SLCO2A1: variants seen among roughly 807,000 people sequenced by gnomAD.
The protein encoded by SLCO2A1 is matrin F/G 1.
A neutral mutation model predicts 71.7 loss-of-function variants in SLCO2A1; 60 were observed. The ratio of observed to expected loss-of-function variants is 0.84; its 90% confidence interval spans 0.68 to 1.04. The LOEUF (loss-of-function observed/expected upper bound fraction) is 1.04, where lower values mean the gene tolerates loss of function less well. Among genes scored for constraint, SLCO2A1 ranks in the 50% least tolerant of loss-of-function variants. The pLI is 0.00. For missense variants in SLCO2A1, 745 were observed against 813.4 expected, an observed-to-expected ratio of 0.92 and a Z score of 1.02; for synonymous variants, 308 against 326.7, an observed-to-expected ratio of 0.94 and a Z score of 0.62.
chr3:133,949,776 G>A (rs1474927868), intron 6 of SLCO2A1, among the ~76,000 whole-genome samples: 1 of 152,176 alleles, frequency 6.6e-6, no homozygotes, highest in African/African-American at 2.4e-5. Context: ...AGGAAGCTTA[G>A]GAACAAAGAA....
intron 1 of SLCO2A1, among the ~76,000 whole-genome samples, chr3:134,023,724 T>C (rs953894968): frequency 3.9e-5 from 6 of 152,210 alleles, no homozygotes; most frequent in Non-Finnish European, 8.8e-5. Flanking sequence ...AAGATGCAAA[T>C]GCTTGGTTAA....
intron 3 of SLCO2A1, among the ~76,000 whole-genome samples, chr3:133,955,685 G>T (rs937876585): frequency 6.6e-6 from 1 of 152,174 alleles, no homozygotes; most frequent in Non-Finnish European, 1.5e-5. Context: ...CTGTTGCACC[G>T]GGTTGGTGTC....
chr3:134,010,981 A>G (rs1935327556), intron 1 of SLCO2A1, among the ~76,000 whole-genome samples: 1 of 152,188 alleles, frequency 6.6e-6, no homozygotes, highest in Non-Finnish European at 1.5e-5. Flanking sequence ...AGGCTTGACT[A>G]ATGCCCAACC....
intron 1 of SLCO2A1, among the ~76,000 whole-genome samples, chr3:133,996,456 T>C (rs1934966914): frequency 6.6e-6 from 1 of 152,194 alleles, no homozygotes; most frequent in Non-Finnish European, 1.5e-5. Flanking sequence ...CCCAGTGCTC[T>C]GCTCTGACAG....
chr3:134,022,878 A>C lies in SLCO2A1; in HGVS notation c.96+6829T>G, dbSNP rs142645431. ...CTAAGGACTATAAAGTCCACTGTCCAGGTCCCCACAGTTAAAACAAAAGGT... is the reference window on the plus strand; with the variant it reads ...CTAAGGACTATAAAGTCCACTGTCCCGGTCCCCACAGTTAAAACAAAAGGT... On this transcript the variant is annotated intron_variant, in intron 1 of 13. Coordinates refer to ENST00000310926, the MANE Select transcript of SLCO2A1 (RefSeq NM_005630.3). Among the ~76,000 whole-genome samples the C allele has an allele frequency of 2.7e-3, 409 of 152,354 alleles. 7 individuals carry two copies. Among genetic ancestry groups the C allele is most frequent in the African/African-American group, 9.4e-3 (392 of 41,580 alleles).
intron 1 of SLCO2A1, among the ~76,000 whole-genome samples, chr3:134,010,112 T>C (rs1180676110): frequency 1.3e-5 from 2 of 152,230 alleles, no homozygotes; most frequent in African/African-American, 4.8e-5. Flanking sequence ...TAAATATCCA[T>C]ACACCACCCT....
In SLCO2A1 at chr3:133,951,363, G is replaced by A. The variant is rs747023934; in HGVS notation, c.725-19C>T. 4.3e-6 allele frequency: 7 copies of A among 1,613,220 alleles called. 1 individual carries two copies. In the Admixed American group the frequency reaches 8.3e-5, roughly 19 times the overall value. Reference sequence around the variant, plus strand: ...ACTGCAGCTGAAGAGAAAACGAAGAGTGCAAATGTTTGTTGAATGCATGAT... The same window carrying A: ...ACTGCAGCTGAAGAGAAAACGAAGAATGCAAATGTTTGTTGAATGCATGAT... On this transcript the variant is annotated intron_variant, in intron 5 of 13. Transcript: ENST00000310926.
intron 3 of SLCO2A1, among the ~76,000 whole-genome samples, chr3:133,969,563 T>C (rs1235025686): frequency 6.6e-6 from 1 of 150,746 alleles, no homozygotes; most frequent in Non-Finnish European, 1.5e-5. Context: ...ACTTTTTTTT[T>C]TTTGTAGAGA....
At chr3:133,942,151 G>A (rs771882697) in intron 11 of SLCO2A1, among the ~76,000 whole-genome samples, 1 of 152,198 alleles carries the variant, frequency 6.6e-6, no homozygotes, top group Non-Finnish European at 1.5e-5. Context: ...TGGCCACCAC[G>A]CCCAGCTAAT....
chr3:133,938,807 T>G (rs1407711276), intron 11 of SLCO2A1, among the ~76,000 whole-genome samples: 2 of 152,032 alleles, frequency 1.3e-5, no homozygotes, highest in Non-Finnish European at 2.9e-5. Context: ...GAGATTCTGA[T>G]GCATCACTGA....
Position 133,953,621 on chromosome 3 carries a change from T to C in SLCO2A1, c.724+42A>G, listed in dbSNP as rs774719813. On this transcript the variant is annotated intron_variant, in intron 5 of 13. Transcript: ENST00000310926. The stretch of plus-strand genomic sequence containing the variant: ...GATGAGGGGGCTGGGGGCTGCTTTA[T>C]TGAGCTGGGGATGGGAATGGGTGTC... 4 of 1,524,646 alleles carry C rather than the reference T, an allele frequency of 2.6e-6. No homozygotes were observed. The South Asian group carries it at 4.5e-5, about 17-fold the overall frequency. The allele number at this position is 1,524,646 out of a possible 1,614,324, so 94.4% of individuals were successfully genotyped here. A position where few individuals can be genotyped will look rare whatever the true frequency, so the allele number is the denominator to read the frequency against.
At chr3:133,968,878 C>T (rs1191177227) in intron 3 of SLCO2A1, among the ~76,000 whole-genome samples, 1 of 152,260 alleles carries the variant, frequency 6.6e-6, no homozygotes, top group East Asian at 1.9e-4. Flanking sequence ...CCGGACCCCA[C>T]TGACATTTAG....
At chr3:133,980,720 C>G (rs1934569598) in intron 1 of SLCO2A1, among the ~76,000 whole-genome samples, 1 of 152,222 alleles carries the variant, frequency 6.6e-6, no homozygotes, top group Middle Eastern at 3.2e-3. Context: ...TATAGGTGCC[C>G]TTGTTCCAGG....
chr3:133,983,612 G>A (rs935905110), intron 1 of SLCO2A1, among the ~76,000 whole-genome samples: 1 of 152,230 alleles, frequency 6.6e-6, no homozygotes, highest in Non-Finnish European at 1.5e-5. Context: ...TTTGCTCACA[G>A]TCTTCCCCTT....
intron 1 of SLCO2A1, among the ~76,000 whole-genome samples, chr3:133,999,484 A>G (rs1935055227): frequency 6.6e-6 from 1 of 151,112 alleles, no homozygotes; most frequent in Admixed American, 6.6e-5. Context: ...AGGGCCGAGC[A>G]GGGCTGCCTC....
intron 1 of SLCO2A1, among the ~76,000 whole-genome samples, chr3:134,015,995 A>G (rs1389522382): frequency 1.3e-5 from 2 of 152,174 alleles, no homozygotes; most frequent in Non-Finnish European, 2.9e-5. Flanking sequence ...AAACAAAACA[A>G]ACAAAAAAAA....
intron 9 of SLCO2A1, among the ~76,000 whole-genome samples, chr3:133,947,007 C>T (rs1055186800): frequency 6.6e-6 from 1 of 151,944 alleles, no homozygotes; most frequent in Non-Finnish European, 1.5e-5. Flanking sequence ...CCCAGCTACT[C>T]GAGAGGCTGA....
At chr3:133,996,744 G>A (rs577399518) in intron 1 of SLCO2A1, among the ~76,000 whole-genome samples, 3 of 152,236 alleles carry the variant, frequency 2.0e-5, no homozygotes, top group South Asian at 4.2e-4. Flanking sequence ...TGAAAACTGC[G>A]TCCCATATAC....
chr3:133,999,511 G>T (rs115589077), intron 1 of SLCO2A1, among the ~76,000 whole-genome samples: 1,613 of 152,326 alleles, frequency 0.011, 29 homozygotes, highest in African/African-American at 0.037. Flanking sequence ...CCCCCCAGGG[G>T]CATACTATTA....
Sources: allele counts gnomAD v4.1 joint callset (sites outside exome capture counted in the v4.1 genomes callset), GRCh38; gene constraint gnomAD v4.1.1; transcripts MANE v1.5; gene names NCBI Gene and HGNC (gene_info 2026-07-23, HGNC 2026-07-21).